NUSAP1: variants seen among roughly 807,000 people sequenced by gnomAD.
NUSAP1 encodes nucleolar and spindle associated protein 1, also known as nucleolar and spindle-associated protein 1.
Under a neutral mutation model 52.8 loss-of-function variants are expected in NUSAP1, and 32 were observed. That is an observed-to-expected ratio of 0.61 (90% CI 0.46 to 0.81). NUSAP1 has a LOEUF of 0.81. NUSAP1 is among the 40% of genes least tolerant of loss of function. The pLI is 0.00. For synonymous variants in NUSAP1, 195 were observed against 183.1 expected, an observed-to-expected ratio of 1.06 and a Z score of -0.52; for missense variants, 499 against 522.3, an observed-to-expected ratio of 0.96 and a Z score of 0.43.
chr15:41,335,994 C>G (rs756505209), intron 1 of NUSAP1, among the ~76,000 whole-genome samples: 12 of 151,190 alleles, frequency 7.9e-5, no homozygotes, highest in African/African-American at 2.9e-4. Flanking sequence ...GGCATGGTGG[C>G]TTGCACCTGT....
chr15:41,376,703 A>G (rs2140871479), intron 9 of NUSAP1, among the ~76,000 whole-genome samples: 1 of 151,264 alleles, frequency 6.6e-6, no homozygotes, highest in South Asian at 2.1e-4. Context: ...AAATTTAAAA[A>G]ATAATAATAA....
At chr15:41,369,107 A>T (rs979703650) in intron 7 of NUSAP1, among the ~76,000 whole-genome samples, 1 of 151,960 alleles carries the variant, frequency 6.6e-6, no homozygotes, top group South Asian at 2.1e-4. Flanking sequence ...ATTCAGTGAC[A>T]CAGTAATGGC....
intron 2 of NUSAP1, 94 bp downstream of exon 2, chr15:41,342,548 A>C (rs1202336765): frequency 4.1e-6 from 4 of 967,894 alleles, no homozygotes; most frequent in Non-Finnish European, 6.3e-6. Context: ...GATTTAAGAC[A>C]TGCTGTTGGC....
chr15:41,375,849 C>G (rs745313577), intron 9 of NUSAP1, 21 bp downstream of exon 9: 7 of 1,487,266 alleles, frequency 4.7e-6, no homozygotes, highest in Non-Finnish European at 6.6e-6. Flanking sequence ...GTGTTTTGAG[C>G]TACAGGGCCT....
chr15:41,362,976 AATGTATAGACATATAT>A (rs1226576395), intron 6 of NUSAP1, among the ~76,000 whole-genome samples: 1 of 152,044 alleles, frequency 6.6e-6, no homozygotes, highest in East Asian at 1.9e-4. Flanking sequence ...GTCTCAAAAA[AATGTATAGACATATAT>A]ACTTATATAT....
chr15:41,333,217 C>G (rs1330468411), intron 1 of NUSAP1, among the ~76,000 whole-genome samples, 167 bp downstream of exon 1: 1 of 152,174 alleles, frequency 6.6e-6, no homozygotes, highest in Non-Finnish European at 1.5e-5. Context: ...CTCTGATAAA[C>G]GGAAGAGGAA....
Position 41,377,195 on chromosome 15 carries a change from G to C in NUSAP1, c.1124-1G>C. On this transcript the variant is annotated splice_acceptor_variant, in intron 9 of 10. Coordinates refer to ENST00000559596, the MANE Select transcript of NUSAP1 (RefSeq NM_016359.5). LOFTEE classifies it high-confidence loss of function. The stretch of plus-strand genomic sequence containing the variant: ...AATTCTTTGTCTCTGTCCTAAACTA[G>C]GAAAGCTAAAACCATGGGGGCAATC... 2 of 1,446,148 alleles carry C rather than the reference G, an allele frequency of 1.4e-6. No homozygotes were observed. The highest frequency in any genetic ancestry group is 1.9e-6 in the Non-Finnish European group (2 of 1,066,230). 89.6% of individuals were successfully genotyped at this position (1,446,148 alleles called of 1,614,324 possible). A position where few individuals can be genotyped will look rare whatever the true frequency, so the allele number is the denominator to read the frequency against.
Position 41,365,589 on chromosome 15 carries a change from G to A in NUSAP1, c.848G>A (p.Arg283Lys). 1.9e-6 allele frequency: 3 copies of A among 1,583,472 alleles called. No homozygotes were observed. Among genetic ancestry groups the A allele is most frequent in the East Asian group, 2.3e-5 (1 of 44,076 alleles). Residue 283 changes from arginine (R) to lysine (K), a missense_variant and splice_region_variant, in exon 7 of 11, where the codon AGG becomes AAG. Arg to Lys is a conservative substitution (Grantham distance 26). Coordinates refer to ENST00000559596, the MANE Select transcript of NUSAP1 (RefSeq NM_016359.5). ...ATCTCTGCAGCTAAAACGGGTGTCA[G>A]GTAAAGAAATCACTCCAAAATGTAA... ...SAISAAKTGV[R>K]FSAATKDNEH... is the part of the protein sequence containing the mutation.
rs377439794 is a variant in NUSAP1 at position 41,380,113 on chromosome 15, G to A, written c.1253G>A (p.Arg418His). 2.2e-5 allele frequency: 35 copies of A among 1,586,460 alleles called. No homozygotes were observed. Among genetic ancestry groups the A allele is most frequent in the Admixed American group, 1.8e-4 (10 of 55,460 alleles). The change falls in exon 11 of 11, where the codon CGC becomes CAC. Residue 418 changes from arginine to histidine, a missense_variant. Arg to His is a conservative substitution (Grantham distance 29). Coordinates refer to ENST00000559596, the MANE Select transcript of NUSAP1 (RefSeq NM_016359.5). ...CTCAGGGAAGAGCAACGGAAGAAAC[G>A]CGAGCAAGAACGAAAGGAGAAGAAA... ...LQTKEEQRKKREQERKEKKAK... is the reference protein window; with the variant it reads ...LQTKEEQRKKHEQERKEKKAK...
intron 2 of NUSAP1, chr15:41,344,220 A>G: frequency 6.6e-6 from 1 of 151,786 alleles, no homozygotes; most frequent in African/African-American, 2.4e-5. Context: ...TCTCAAAAAA[A>G]AAAAAAAAAA....
intron 1 of NUSAP1, among the ~76,000 whole-genome samples, chr15:41,334,110 ATTTG>A (rs141397905): frequency 0.21 from 32,005 of 150,388 alleles, 3,601 homozygotes; most frequent in Non-Finnish European, 0.25. Flanking sequence ...TTTTTTTTTT[ATTTG>A]TTTGTTTGTT....
chr15:41,336,933 T>A (rs1450268702), intron 1 of NUSAP1, among the ~76,000 whole-genome samples: 1 of 151,528 alleles, frequency 6.6e-6, no homozygotes, highest in African/African-American at 2.4e-5. Context: ...GGAAAATAGA[T>A]GCAATCAACA....
At chr15:41,379,622 G>A (rs1465985063) in intron 10 of NUSAP1, among the ~76,000 whole-genome samples, 1 of 152,048 alleles carries the variant, frequency 6.6e-6, no homozygotes, top group East Asian at 1.9e-4. Flanking sequence ...TCGGCTCACT[G>A]CAACCTCCGC....
chr15:41,335,720 A>G (rs989143187), intron 1 of NUSAP1, among the ~76,000 whole-genome samples: 11 of 143,490 alleles, frequency 7.7e-5, no homozygotes, highest in African/African-American at 2.8e-4. Flanking sequence ...TATACTAAAT[A>G]TACTATATTT....
At position 41,358,229 on chromosome 15, in the gene NUSAP1, G is replaced by A. The variant is rs576005740; in HGVS notation, c.631G>A (p.Glu211Lys). The A allele has an allele frequency of 2.7e-5, 41 of 1,542,972 alleles. 1 individual carries two copies. In the Middle Eastern group the frequency reaches 1.2e-3, roughly 44 times the overall value. The change falls in exon 6 of 11, where the codon GAA (glutamate) becomes AAA (lysine). Residue 211 changes from glutamate (E) to lysine (K), a missense_variant. Glu to Lys is a moderately conservative substitution (Grantham distance 56, BLOSUM62 1). Transcript: ENST00000559596. ...TATTGAGAGAAAAAAGAAACATTTT[G>A]AAGAACACAATTCCATGAATGAACT... is the stretch of plus-strand genomic sequence containing the variant. ...QYIERKKKHF[E>K]EHNSMNELKQ...
At chr15:41,373,794 C>T (rs2049811106) in intron 8 of NUSAP1, among the ~76,000 whole-genome samples, 1 of 151,974 alleles carries the variant, frequency 6.6e-6, no homozygotes, top group Non-Finnish European at 1.5e-5. Context: ...AATAATATTC[C>T]TGACTTTAAA....
Position 41,346,960 on chromosome 15 carries a change from G to A in NUSAP1, c.163-2138G>A, listed in dbSNP as rs141467687. On this transcript the variant is annotated intron_variant, in intron 2 of 10. Transcript: ENST00000559596. ...GGTCAAGGTGGGTGGATCAGCTGAG[G>A]TCAGGAGTTCGAGACCAGCCTGGCC... 3.8e-3 allele frequency among the ~76,000 whole-genome samples: 572 copies of A among 152,158 alleles called. 3 individuals carry two copies. Among genetic ancestry groups the A allele is most frequent in the African/African-American group, 0.013 (543 of 41,498 alleles).
At chr15:41,379,318 A>G (rs1276544910) in intron 10 of NUSAP1, among the ~76,000 whole-genome samples, 2 of 150,540 alleles carry the variant, frequency 1.3e-5, no homozygotes, top group Non-Finnish European at 3.0e-5. Flanking sequence ...TCTTAGAGAC[A>G]GGGTCTTACT....
chr15:41,363,417 C>T (rs2049266683), intron 6 of NUSAP1, among the ~76,000 whole-genome samples: 1 of 151,604 alleles, frequency 6.6e-6, no homozygotes, highest in African/African-American at 2.4e-5. Flanking sequence ...CCCTGTCACC[C>T]AGGTGGTAAT....
Sources: allele counts gnomAD v4.1 joint callset (sites outside exome capture counted in the v4.1 genomes callset), GRCh38; gene constraint gnomAD v4.1.1; transcripts MANE v1.5; gene names NCBI Gene and HGNC (gene_info 2026-07-23, HGNC 2026-07-21).